Variants in JADE2 observed in about 807,000 individuals in gnomAD.
The protein encoded by JADE2 is jade family PHD finger 2.
JADE2 carries 13 observed loss-of-function variants against 85.7 expected under a neutral mutation model. The ratio of observed to expected loss-of-function variants is 0.15; its 90% CI spans 0.10 to 0.24. JADE2 has a LOEUF of 0.24. Ranked by LOEUF, JADE2 falls within the 10% of genes least tolerant of loss-of-function variation. JADE2 has a pLI of 1.00. For synonymous variants in JADE2, 440 were observed against 456.1 expected (o/e 0.96, Z 0.45); for missense variants, 846 against 1,115.9 (o/e 0.76, Z 3.45).
chr5:134,553,849 C>T (rs1172969350), intron 4 of JADE2, among the ~76,000 whole-genome samples: 4 of 152,220 alleles, frequency 2.6e-5, no homozygotes, highest in South Asian at 2.1e-4. Context: ...GACCCCTGGC[C>T]GCTCTTGTCA....
intron 3 of JADE2, among the ~76,000 whole-genome samples, chr5:134,550,655 G>T (rs546654627): frequency 1.3e-5 from 2 of 152,174 alleles, no homozygotes; most frequent in Non-Finnish European, 2.9e-5. Flanking sequence ...GTGTCTAGAG[G>T]TGCCACCACA....
chr5:134,553,135 A>G (rs1762697707), intron 4 of JADE2, among the ~76,000 whole-genome samples: 1 of 150,776 alleles, frequency 6.6e-6, no homozygotes, highest in Non-Finnish European at 1.5e-5. Context: ...ACACATGGCT[A>G]ATTTTTTTGA....
Position 134,566,599 on chromosome 5 carries a change from T to C in JADE2, c.1434+19T>C. ...AGAGAGGGTGAGTCCCCATGCCGCC[T>C]GCCCACCCCCTGCCTGGTGGGTCCA... On this transcript the variant is annotated intron_variant, in intron 9 of 11. Coordinates refer to ENST00000681547, the MANE Select transcript of JADE2 (RefSeq NM_001388185.1). The surrounding 1 kb of genome is among the most constrained non-coding windows in gnomAD (Gnocchi z 6.7). 2 of 1,515,092 alleles carry C rather than the reference T, an allele frequency of 1.3e-6. No individual in the cohort carries two copies. Among genetic ancestry groups the C allele is most frequent in the Non-Finnish European group, 1.8e-6 (2 of 1,122,664 alleles). The allele number at this position is 1,515,092 out of a possible 1,614,324, so 93.9% of individuals were successfully genotyped here. A position where few individuals can be genotyped will look rare whatever the true frequency, so the allele number is the denominator to read the frequency against.
chr5:134,548,315 T>G (rs117285227), intron 3 of JADE2, among the ~76,000 whole-genome samples: 1 of 152,328 alleles, frequency 6.6e-6, no homozygotes, highest in East Asian at 1.9e-4. Context: ...TTGGCCTGGG[T>G]TCATTTGCCA....
chr5:134,525,620 AT>A (rs1332624316), upstream of JADE2: 567 of 323,298 alleles, frequency 1.8e-3, no homozygotes, highest in Middle Eastern at 2.1e-3. Flanking sequence ...ACCCCAACAC[AT>A]TTTTTTTTTC....
chr5:134,554,718 T>G (rs984537197), intron 4 of JADE2, among the ~76,000 whole-genome samples: 7 of 152,092 alleles, frequency 4.6e-5, no homozygotes, highest in African/African-American at 7.2e-5. Flanking sequence ...AAGTGCTCCC[T>G]TAGAGACATC....
chr5:134,529,549 C>T (rs903942989), intron 1 of JADE2, among the ~76,000 whole-genome samples: 6 of 152,232 alleles, frequency 3.9e-5, no homozygotes, highest in Admixed American at 1.3e-4. Flanking sequence ...CAGTACCTAT[C>T]TCATAGTGGA....
At position 134,539,314 on chromosome 5, in the gene JADE2, T is replaced by C. The variant is rs190961185; in HGVS notation, c.153+1231T>C. Among the ~76,000 whole-genome samples the C allele has an allele frequency of 5.4e-3, 814 of 152,052 alleles. 4 individuals carry two copies. Among genetic ancestry groups the C allele is most frequent in the African/African-American group, 0.018 (746 of 41,486 alleles). On this transcript the variant is annotated intron_variant, in intron 3 of 11. Transcript: ENST00000681547. ...TCCTGACCTTGTGATCCGCCCGCCT[T>C]GGCCTCCCAAAGTGCTGGGATTACA...
chr5:134,543,192 G>C (rs901375726), intron 3 of JADE2, among the ~76,000 whole-genome samples: 1 of 151,802 alleles, frequency 6.6e-6, no homozygotes, highest in South Asian at 2.1e-4. Context: ...ACGCCACCAT[G>C]CCTGGCTGAT....
intron 1 of JADE2, among the ~76,000 whole-genome samples, chr5:134,532,964 G>C (rs370567369): frequency 6.6e-6 from 1 of 152,160 alleles, no homozygotes; most frequent in African/African-American, 2.4e-5. Flanking sequence ...CACAAAATCT[G>C]CTCCCTTAAT....
In JADE2 at chr5:134,560,842, A is replaced by G. The variant is rs750625307; in HGVS notation, c.569A>G (p.Glu190Gly). 6.2e-7 allele frequency: 1 copy of G among 1,614,144 alleles called. No individual in the cohort carries two copies. The highest frequency in any genetic ancestry group is 8.5e-7 in the Non-Finnish European group (1 of 1,180,026). The change falls in exon 6 of 12, where the codon GAG (glutamate) becomes GGG (glycine). Residue 190 changes from glutamate to glycine, a missense_variant. Coordinates refer to ENST00000681547, the MANE Select transcript of JADE2 (RefSeq NM_001388185.1). ...QNMARAIETQ[E>G]GLGIEYDEDV... ...ATGGCCAGGGCCATTGAGACGCAGG[A>G]GGGGCTGGGCATCGAGTACGACGAG...
At chr5:134,569,655 G>A (rs982263951) in intron 9 of JADE2, among the ~76,000 whole-genome samples, 2 of 152,172 alleles carry the variant, frequency 1.3e-5, no homozygotes, top group African/African-American at 4.8e-5. Flanking sequence ...GGCCTGAGGA[G>A]GAGGCCAAGA....
Position 134,578,927 on chromosome 5 carries a change from C to T in JADE2, c.2115C>T (p.Ala705=), listed in dbSNP as rs140553993. 2.0e-5 allele frequency: 33 copies of T among 1,613,564 alleles called. No individual in the cohort carries two copies. Among genetic ancestry groups the T allele is most frequent in the South Asian group, 3.3e-5 (3 of 91,068 alleles). The part of the protein sequence containing the change: ...TSSHLPSSPA[A]GDCPILATPE... ...CTCACTTGCCGTCCAGCCCTGCAGC[C>T]GGGGACTGTCCCATCCTAGCCACCC... Residue 705 remains alanine (A), a synonymous_variant, in exon 12 of 12, where the codon GCC becomes GCT. Coordinates refer to ENST00000681547, the MANE Select transcript of JADE2 (RefSeq NM_001388185.1). This position sits in a 1 kb window ranked among gnomAD's most constrained non-coding sequence, Gnocchi z 4.4.
At chr5:134,548,376 GT>G (rs1762417003) in intron 3 of JADE2, among the ~76,000 whole-genome samples, 1 of 152,154 alleles carries the variant, frequency 6.6e-6, no homozygotes, top group Admixed American at 6.5e-5. Context: ...CGAGTCCCAG[GT>G]TTCTCAACTG....
At chr5:134,551,764 T>G (rs557284019) in intron 3 of JADE2, among the ~76,000 whole-genome samples, 41 of 152,268 alleles carry the variant, frequency 2.7e-4, no homozygotes, top group African/African-American at 8.4e-4. Flanking sequence ...CCAGTCTTTC[T>G]TTCTCTCATA....
At chr5:134,528,485 G>T (rs955679938) in intron 1 of JADE2, among the ~76,000 whole-genome samples, 1 of 152,208 alleles carries the variant, frequency 6.6e-6, no homozygotes, top group Non-Finnish European at 1.5e-5. Flanking sequence ...TAATAAAGCT[G>T]ACCCAGGCAG....
At chr5:134,563,326 A>AG (rs1252594586) in intron 7 of JADE2, among the ~76,000 whole-genome samples, 1 of 151,822 alleles carries the variant, frequency 6.6e-6, no homozygotes, top group African/African-American at 2.4e-5. Flanking sequence ...AAAAAAAAAA[A>AG]AAAGAGAATC....
rs1244302416 is a variant in JADE2, at chr5:134,559,911, G to T, written c.393G>T (p.Trp131Cys). 1 of 1,613,922 alleles carries T rather than the reference G, an allele frequency of 6.2e-7. No homozygotes were observed. The highest frequency in any genetic ancestry group is 8.5e-7 in the Non-Finnish European group (1 of 1,179,970). Reference sequence around the variant, plus strand: ...TTGGTGAGGGCTCCCAGCCTGATTGGCCAGGGGGCAGCCGCTATGACTTGG... The same window carrying T: ...TTGGTGAGGGCTCCCAGCCTGATTGTCCAGGGGGCAGCCGCTATGACTTGG... ...TMLGEGSQPDWPGGSRYDLDE... is the reference protein window; with the variant it reads ...TMLGEGSQPDCPGGSRYDLDE... Residue 131 changes from tryptophan (W) to cysteine (C), a missense_variant, in exon 5 of 12, where the codon TGG becomes TGT. Trp to Cys is a radical substitution (Grantham distance 215). Coordinates refer to ENST00000681547, the MANE Select transcript of JADE2 (RefSeq NM_001388185.1).
chr5:134,544,075 C>T (rs1385106900), intron 3 of JADE2, among the ~76,000 whole-genome samples: 4 of 152,174 alleles, frequency 2.6e-5, no homozygotes, highest in Admixed American at 6.5e-5. Flanking sequence ...GAGACACAGG[C>T]GGAAGGGCAG....
Sources: allele counts gnomAD v4.1 joint callset (sites outside exome capture counted in the v4.1 genomes callset), GRCh38; gene constraint gnomAD v4.1.1; non-coding constraint Gnocchi (gnomAD v3.1); transcripts MANE v1.5; gene names NCBI Gene and HGNC (gene_info 2026-07-23, HGNC 2026-07-21).